FRMD6: variants seen among roughly 807,000 people sequenced by gnomAD.
FRMD6 encodes FERM domain containing 6, also known as FERM domain-containing protein 6.
Under a neutral mutation model 73.2 loss-of-function variants are expected in FRMD6, and 37 were observed. The observed-to-expected ratio is 0.51, with a 90% confidence interval of 0.39 to 0.66. The LOEUF (loss-of-function observed/expected upper bound fraction) is 0.66. Ranked by LOEUF, FRMD6 falls within the 30% of genes least tolerant of loss-of-function variation. The pLI is 0.00. For synonymous variants in FRMD6, 273 were observed against 282.2 expected (o/e 0.97, Z 0.33); for missense variants, 714 against 780.5 (o/e 0.91, Z 1.02).
At chr14:51,499,004 C>A (rs1239773856) in intron 1 of FRMD6, among the ~76,000 whole-genome samples, 1 of 152,200 alleles carries the variant, frequency 6.6e-6, no homozygotes, top group African/African-American at 2.4e-5. Context: ...GGAAAGATTC[C>A]ACCCATGCTT....
chr14:51,693,076 C>T (rs910605946), intron 2 of FRMD6, among the ~76,000 whole-genome samples: 2 of 152,052 alleles, frequency 1.3e-5, no homozygotes, highest in Non-Finnish European at 2.9e-5. Context: ...ATAGAATAAT[C>T]GAAGAGTAGT....
At chr14:51,665,160 A>T (rs572364424) in intron 1 of FRMD6, among the ~76,000 whole-genome samples, 17 of 152,296 alleles carry the variant, frequency 1.1e-4, no homozygotes, top group African/African-American at 2.6e-4. Flanking sequence ...ATTTTACATT[A>T]AAAAAATTGC....
At chr14:51,512,680 G>C (rs1170181445) in intron 1 of FRMD6, among the ~76,000 whole-genome samples, 2 of 152,078 alleles carry the variant, frequency 1.3e-5, no homozygotes, top group Non-Finnish European at 2.9e-5. Flanking sequence ...CAAATCGGTG[G>C]GTTCTAGCAG....
intron 1 of FRMD6, among the ~76,000 whole-genome samples, chr14:51,685,900 T>G (rs1433092229): frequency 6.6e-6 from 1 of 152,210 alleles, no homozygotes; most frequent in Non-Finnish European, 1.5e-5. Flanking sequence ...TGTGTGATGA[T>G]TAAATTAGAA....
Position 51,701,118 on chromosome 14 carries a change from A to C in FRMD6, c.253A>C (p.Lys85Gln). 2 of 1,586,930 alleles carry C rather than the reference A, an allele frequency of 1.3e-6. No homozygotes were observed. Among genetic ancestry groups the C allele is most frequent in the Non-Finnish European group, 1.7e-6 (2 of 1,163,766 alleles). ...TTACAAATATTGTCCAAAAGAATGG[A>C]AGAAAGAGGCCAGCAAGGTACGACA... ...KLYKYCPKEW[K>Q]KEASKVRQYE... is the part of the protein sequence containing the mutation. The change falls in exon 4 of 14, where the codon AAG (lysine) becomes CAG (glutamine). Residue 85 changes from lysine to glutamine, a missense_variant. Lys to Gln is a moderately conservative substitution (Grantham distance 53, BLOSUM62 1). Transcript: ENST00000344768.
At chr14:51,700,998 T>A (rs1896274310) in intron 3 of FRMD6, 58 bp from the exon 4 acceptor site, 3 of 802,948 alleles carry the variant, frequency 3.7e-6, no homozygotes, top group East Asian at 3.0e-5. Context: ...CTTTCTATAT[T>A]TTTTTTCTTT....
intron 9 of FRMD6, among the ~76,000 whole-genome samples, chr14:51,712,962 A>T (rs1307625273): frequency 6.6e-6 from 1 of 152,214 alleles, no homozygotes; most frequent in Non-Finnish European, 1.5e-5. Flanking sequence ...TTAATATTTG[A>T]CTATTTAAAA....
chr14:51,672,129 A>G (rs190961319), intron 1 of FRMD6, among the ~76,000 whole-genome samples: 1 of 152,224 alleles, frequency 6.6e-6, no homozygotes, highest in Non-Finnish European at 1.5e-5. Context: ...CTTTCAAAGC[A>G]GTGGCTACCA....
intron 1 of FRMD6, among the ~76,000 whole-genome samples, chr14:51,686,845 G>T (rs1189315577): frequency 6.6e-6 from 1 of 152,092 alleles, no homozygotes; most frequent in Non-Finnish European, 1.5e-5. Context: ...CCCCAGGACT[G>T]CCCAATTTAA....
At chr14:51,430,185 C>G in the FRMD6 span, among the ~76,000 whole-genome samples, 5 of 152,232 alleles carry the variant, frequency 3.3e-5, no homozygotes, top group Admixed American at 6.5e-5. Context: ...TAATGAAATT[C>G]ATGACATGTA....
At chr14:51,539,617 G>A (rs941155210) in intron 1 of FRMD6, among the ~76,000 whole-genome samples, 23 of 152,022 alleles carry the variant, frequency 1.5e-4, no homozygotes, top group African/African-American at 5.1e-4. Flanking sequence ...CTTCCTTCTG[G>A]GCAATTACAT....
intron 1 of FRMD6, among the ~76,000 whole-genome samples, chr14:51,516,655 G>A (rs1489447459): frequency 6.6e-6 from 1 of 152,116 alleles, no homozygotes; most frequent in Non-Finnish European, 1.5e-5. Context: ...CTGAAAACAG[G>A]CAAATTCTAC....
chr14:51,699,203 GC>G (rs1896135117), intron 3 of FRMD6, among the ~76,000 whole-genome samples: 1 of 152,078 alleles, frequency 6.6e-6, no homozygotes, highest in South Asian at 2.1e-4. Flanking sequence ...AGAGCATGGA[GC>G]AGGGAACACA....
intron 1 of FRMD6, among the ~76,000 whole-genome samples, chr14:51,537,142 G>T (rs1019055109): frequency 5.3e-5 from 8 of 152,190 alleles, no homozygotes; most frequent in Admixed American, 2.0e-4. Context: ...ATACAGAATA[G>T]TTTTACTTTC....
intron 1 of FRMD6, among the ~76,000 whole-genome samples, chr14:51,665,408 A>T (rs1002031388): frequency 7.3e-5 from 11 of 151,226 alleles, no homozygotes; most frequent in African/African-American, 2.4e-4. Flanking sequence ...TTAGATACTT[A>T]TTTTTTTTTC....
chr14:51,445,897 A>G, the FRMD6 span, among the ~76,000 whole-genome samples: 58 of 152,364 alleles, frequency 3.8e-4, no homozygotes, highest in East Asian at 2.9e-3. Context: ...CGTATACTAC[A>G]TAGCATGTTA....
chr14:51,602,363 T>A (rs1284373032), intron 2 of FRMD6, among the ~76,000 whole-genome samples: 1 of 152,158 alleles, frequency 6.6e-6, no homozygotes, highest in Admixed American at 6.5e-5. Flanking sequence ...GATGTAGGCT[T>A]ATGTCTCTAA....
chr14:51,414,354 T>C, the FRMD6 span, among the ~76,000 whole-genome samples: 1 of 152,252 alleles, frequency 6.6e-6, no homozygotes, highest in Non-Finnish European at 1.5e-5. Context: ...AGGGATCCAG[T>C]TTCAGCTTTC....
At chr14:51,475,482 G>T in the FRMD6 span, among the ~76,000 whole-genome samples, 1 of 152,138 alleles carries the variant, frequency 6.6e-6, no homozygotes, top group Non-Finnish European at 1.5e-5. Flanking sequence ...TTCTAGGAGG[G>T]CTGTGGCCAC....
Sources: gnomAD v4.1 joint callset for allele counts (sites outside exome capture counted in the v4.1 genomes callset) on GRCh38, gnomAD v4.1.1 for gene constraint, MANE v1.5 for transcripts, NCBI Gene and HGNC (gene_info 2026-07-23, HGNC 2026-07-21) for gene names.